Variants in TBX5 observed in about 807,000 individuals in gnomAD.
TBX5 encodes T-box transcription factor TBX5.
A neutral mutation model predicts 51.1 loss-of-function variants in TBX5; 8 were observed. The observed-to-expected ratio is 0.16, with a 90% CI of 0.09 to 0.28. TBX5 has a LOEUF of 0.28. Ranked by LOEUF, TBX5 falls within the 10% of genes least tolerant of loss-of-function variation. The probability of loss-of-function intolerance (pLI) is 1.00; values close to 1 mark genes in which losing one functional copy is unlikely to be tolerated. For missense variants in TBX5, 589 were observed against 671.7 expected, an observed-to-expected ratio of 0.88 and a Z score of 1.36; for synonymous variants, 302 against 266.4, an observed-to-expected ratio of 1.13 and a Z score of -1.30.
rs571924700 is a variant in TBX5 at position 114,403,645 on chromosome 12, G to T, written c.147+107C>A. On this transcript the variant is annotated intron_variant, in intron 2 of 8. Transcript: ENST00000405440. ...TTATAGTCGTTGGGTTCGTTTTGGG[G>T]TTTTTTTATTTTGTTTTTGTTCTGT... 240 of 1,496,262 alleles carry T rather than the reference G, an allele frequency of 1.6e-4. 1 individual carries two copies. The highest frequency in any genetic ancestry group is 8.9e-4 in the Middle Eastern group (5 of 5,632). 92.7% of individuals were successfully genotyped at this position (1,496,262 alleles called of 1,614,324 possible).
chr12:114,379,638 C>G (rs1041163231), intron 7 of TBX5, among the ~76,000 whole-genome samples: 2 of 152,150 alleles, frequency 1.3e-5, no homozygotes, highest in Non-Finnish European at 2.9e-5. Flanking sequence ...TAATGACTTC[C>G]TTTTTACAGA....
chr12:114,387,301 T>C (rs1870871147), intron 6 of TBX5, among the ~76,000 whole-genome samples: 1 of 152,248 alleles, frequency 6.6e-6, no homozygotes, highest in South Asian at 2.1e-4. Context: ...CTATTCTGCC[T>C]TCTGGAAGAG....
chr12:114,356,802 G>A (rs928525381), intron 8 of TBX5, among the ~76,000 whole-genome samples: 1 of 152,140 alleles, frequency 6.6e-6, no homozygotes, highest in Admixed American at 6.5e-5. Flanking sequence ...ACCCTACCAG[G>A]TGGGTTTTAC....
chr12:114,356,612 A>G (rs557229264), intron 8 of TBX5, among the ~76,000 whole-genome samples: 1 of 152,330 alleles, frequency 6.6e-6, no homozygotes, highest in Non-Finnish European at 1.5e-5. Context: ...CTTCTCCAGC[A>G]TGTAAATTTC....
intron 7 of TBX5, among the ~76,000 whole-genome samples, chr12:114,375,766 G>T (rs112055796): frequency 6.6e-6 from 1 of 152,152 alleles, no homozygotes; most frequent in Non-Finnish European, 1.5e-5. Context: ...CTATCAGCCA[G>T]GTGCAGTGGC....
rs759983816 is a variant in TBX5, at chr12:114,385,504, C to T, written c.727G>A (p.Glu243Lys). ...AKGFRGSDDM[E>K]LHRMSRMQSK... is the part of the protein sequence containing the mutation. ...TGCATTCTTGACATTCTGTGCAGCT[C>T]CATGTCATCACTGCCCCGAAATCCT... Residue 243 changes from glutamate to lysine, a missense_variant, in exon 7 of 9, where the codon GAG (glutamate) becomes AAG (lysine). Physicochemically the swap from Glu to Lys is moderately conservative, Grantham distance 56. This residue lies in a region of TBX5 where 348 missense variants were observed against 360.4 expected (regional missense o/e 0.97). Coordinates refer to ENST00000405440, the MANE Select transcript of TBX5 (RefSeq NM_181486.4). 7 of 1,614,000 alleles carry T rather than the reference C, an allele frequency of 4.3e-6. No individual in the cohort carries two copies. Among genetic ancestry groups the T allele is most frequent in the Non-Finnish European group, 5.1e-6 (6 of 1,180,020 alleles).
At chr12:114,385,376 C>T (rs894222919) in intron 7 of TBX5, 100 bp downstream of exon 7, 2 of 976,008 alleles carry the variant, frequency 2.0e-6, no homozygotes, top group Non-Finnish European at 1.7e-6. Context: ...ATTCTACGGG[C>T]AGGAAGGCTG....
intron 5 of TBX5, among the ~76,000 whole-genome samples, chr12:114,395,323 A>G (rs1871358846): frequency 1.3e-5 from 2 of 151,602 alleles, no homozygotes; most frequent in South Asian, 4.2e-4. Flanking sequence ...CATAGAAATA[A>G]CCCCCACTCC....
intron 2 of TBX5, 99 bp downstream of exon 2, chr12:114,403,653 A>G (rs1745702271): frequency 4.0e-6 from 6 of 1,512,566 alleles, no homozygotes; most frequent in Admixed American, 4.3e-5. Flanking sequence ...GGGTTTTTTT[A>G]TTTTGTTTTT....
upstream of TBX5, chr12:114,407,693 A>C: frequency 1.1e-6 from 1 of 891,308 alleles, no homozygotes; most frequent in African/African-American, 1.8e-5. Context: ...TATTTCGTTC[A>C]TGAGAAGTAG....
chr12:114,390,795 C>T (rs1178488668), intron 6 of TBX5, among the ~76,000 whole-genome samples: 1 of 152,164 alleles, frequency 6.6e-6, no homozygotes, highest in African/African-American at 2.4e-5. Flanking sequence ...TTTTTTAACA[C>T]CTAAATATTT....
chr12:114,399,382 G>A (rs534775595), intron 4 of TBX5, 131 bp downstream of exon 4: 1 of 1,303,018 alleles, frequency 7.7e-7, no homozygotes, highest in African/African-American at 1.5e-5. Flanking sequence ...AATGGGATAG[G>A]CGGACAGACG....
intron 6 of TBX5, among the ~76,000 whole-genome samples, chr12:114,388,118 G>A (rs1345369195): frequency 6.6e-6 from 1 of 152,084 alleles, no homozygotes; most frequent in African/African-American, 2.4e-5. Flanking sequence ...CAAAGTACAG[G>A]GATTACAGGC....
intron 7 of TBX5, among the ~76,000 whole-genome samples, chr12:114,383,282 T>C (rs1401746631): frequency 2.0e-5 from 3 of 151,944 alleles, no homozygotes; most frequent in Non-Finnish European, 4.4e-5. Context: ...TCAGTGATGG[T>C]TGGGAGATGG....
rs370133092 is a variant in TBX5, at chr12:114,355,847, G to T, written c.1242C>A (p.Thr414=). The change falls in exon 9 of 9, where the codon ACC becomes ACA. Residue 414 remains threonine, a synonymous_variant. Transcript: ENST00000405440. ...MPSYSSCTVT[T]VQPMDRLPYQ... ...AGGGTAGCCTGTCCATGGGCTGCAC[G>T]GTGGTGACGGTGCAGCTGCTGTAGG... The T allele has an allele frequency of 6.2e-7, 1 of 1,613,788 alleles. No individual in the cohort carries two copies. Among genetic ancestry groups the T allele is most frequent in the Non-Finnish European group, 8.5e-7 (1 of 1,180,036 alleles).
intron 6 of TBX5, among the ~76,000 whole-genome samples, chr12:114,389,219 C>T (rs559989301): frequency 3.9e-5 from 6 of 152,054 alleles, no homozygotes; most frequent in Admixed American, 1.3e-4. Context: ...TGAGCCACCA[C>T]GCTTGGCCTC....
intron 8 of TBX5, among the ~76,000 whole-genome samples, chr12:114,359,679 G>A (rs910864069): frequency 1.3e-5 from 2 of 152,194 alleles, no homozygotes; most frequent in Non-Finnish European, 2.9e-5. Flanking sequence ...TCCGGATAAA[G>A]TGAATTTAGT....
intron 7 of TBX5, among the ~76,000 whole-genome samples, chr12:114,375,344 A>T (rs1337008763): frequency 6.6e-6 from 1 of 152,168 alleles, no homozygotes; most frequent in East Asian, 1.9e-4. Context: ...TCTGAGAGTG[A>T]GACCTAGAAA....
At chr12:114,361,348 C>T (rs889391313) in intron 8 of TBX5, among the ~76,000 whole-genome samples, 3 of 152,210 alleles carry the variant, frequency 2.0e-5, no homozygotes, top group African/African-American at 7.2e-5. Flanking sequence ...CCCTCTCAAT[C>T]TCTAACTTTC....
Sources: allele counts gnomAD v4.1 joint callset (sites outside exome capture counted in the v4.1 genomes callset), GRCh38; gene constraint gnomAD v4.1.1; regional missense constraint gnomAD v4.1.1; transcripts MANE v1.5; gene names NCBI Gene and HGNC (gene_info 2026-07-23, HGNC 2026-07-21).